Variants in MTMR7 observed in about 807,000 individuals in gnomAD.
The protein encoded by MTMR7 is myotubularin related protein 7.
Under a neutral mutation model 81.2 loss-of-function variants are expected in MTMR7, and 76 were observed. The observed-to-expected ratio is 0.94, with a 90% confidence interval of 0.78 to 1.13. The LOEUF (loss-of-function observed/expected upper bound fraction) is 1.13, where lower values mean the gene tolerates loss of function less well. MTMR7 is among the 50% of genes most tolerant of loss of function. MTMR7 has a pLI of 0.00. For synonymous variants in MTMR7, 372 were observed against 289.8 expected (o/e 1.28, Z -2.88); for missense variants, 1,044 against 820.0 (o/e 1.27, Z -3.34).
chr8:17,330,272 C>T (rs1055005641), intron 7 of MTMR7, among the ~76,000 whole-genome samples: 1 of 152,206 alleles, frequency 6.6e-6, no homozygotes, highest in African/African-American at 2.4e-5. Flanking sequence ...CATTCCAGAG[C>T]CTGCATTTCC....
chr8:17,327,204 C>A (rs1818727027), intron 7 of MTMR7, among the ~76,000 whole-genome samples: 1 of 152,214 alleles, frequency 6.6e-6, no homozygotes, highest in Non-Finnish European at 1.5e-5. Flanking sequence ...TACTGTTAGA[C>A]ATTCATTCGG....
chr8:17,312,546 G>C (rs553597405), intron 8 of MTMR7, among the ~76,000 whole-genome samples: 1 of 128,856 alleles, frequency 7.8e-6, no homozygotes, highest in East Asian at 2.4e-4. Flanking sequence ...CTGCACTCCA[G>C]CCTGGGTGAC....
At chr8:17,335,683 G>T (rs893937824) in intron 6 of MTMR7, among the ~76,000 whole-genome samples, 3 of 152,164 alleles carry the variant, frequency 2.0e-5, no homozygotes, top group African/African-American at 7.2e-5. Flanking sequence ...CTTCACTTGT[G>T]GTGCAGACAC....
At chr8:17,342,775 C>G (rs1819441245) in intron 5 of MTMR7, among the ~76,000 whole-genome samples, 1 of 151,940 alleles carries the variant, frequency 6.6e-6, no homozygotes, top group South Asian at 2.1e-4. Context: ...TCCAGGGGGA[C>G]AAGGTGTGGG....
chr8:17,336,835 C>T (rs556412250), intron 6 of MTMR7, among the ~76,000 whole-genome samples: 37 of 152,282 alleles, frequency 2.4e-4, no homozygotes, highest in African/African-American at 8.7e-4. Context: ...GGTAACCCCA[C>T]AGAGCTTCCA....
rs764665684 is a variant in MTMR7 at position 17,299,847 on chromosome 8, C to A, written c.*15G>T. The A allele has an allele frequency of 6.2e-6, 10 of 1,612,874 alleles. No individual in the cohort carries two copies. The South Asian group carries it at 9.9e-5, about 16-fold the overall frequency. ...TGCTTATGTGTCCTTTACTTTGGAACTCCAAAGGGAAACTTCAGGCAGTGA... is the reference window on the plus strand; with the variant it reads ...TGCTTATGTGTCCTTTACTTTGGAAATCCAAAGGGAAACTTCAGGCAGTGA... On this transcript the variant is annotated 3_prime_UTR_variant, in exon 14 of 14. Transcript: ENST00000180173.
At chr8:17,343,581 A>G (rs189868383) in intron 5 of MTMR7, among the ~76,000 whole-genome samples, 34 of 152,364 alleles carry the variant, frequency 2.2e-4, no homozygotes, top group African/African-American at 7.7e-4. Context: ...ACCAACTACA[A>G]AATGAAGCAA....
intron 4 of MTMR7, chr8:17,349,343 T>C: frequency 3.2e-6 from 1 of 310,620 alleles, no homozygotes; most frequent in Non-Finnish European, 6.1e-6. Flanking sequence ...GGGCTCTTTG[T>C]GCAAGACCAG....
chr8:17,412,374 T>G (rs1201788043), intron 1 of MTMR7, among the ~76,000 whole-genome samples: 1 of 152,210 alleles, frequency 6.6e-6, no homozygotes, highest in Non-Finnish European at 1.5e-5. Context: ...AAGTTCATCC[T>G]GCAAAAACGC....
intron 1 of MTMR7, among the ~76,000 whole-genome samples, chr8:17,377,593 G>A (rs1820628868): frequency 6.6e-6 from 1 of 151,572 alleles, no homozygotes; most frequent in African/African-American, 2.4e-5. Context: ...TTGTCTGTCT[G>A]TTTCTAAATT....
chr8:17,363,466 T>C, intron 3 of MTMR7, among the ~76,000 whole-genome samples: 1 of 152,248 alleles, frequency 6.6e-6, no homozygotes, highest in East Asian at 1.9e-4. Context: ...TGTGGGCTGA[T>C]ACCTGTTTCC....
At position 17,304,427 on chromosome 8, in the gene MTMR7, G is replaced by C. The variant is rs375705557; in HGVS notation, c.1445C>G (p.Thr482Ser). The C allele has an allele frequency of 6.8e-6, 11 of 1,613,958 alleles. No individual in the cohort carries two copies. Among genetic ancestry groups the C allele is most frequent in the Non-Finnish European group, 8.5e-6 (10 of 1,179,958 alleles). ...NPLFRADHSQ[T>S]QGTLHLPTTP... Reference sequence around the variant, plus strand: ...TGTAGGGAGATGAAGGGTTCCCTGAGTCTGGCTGTGATCAGCTCTAAACAG... The same window carrying C: ...TGTAGGGAGATGAAGGGTTCCCTGACTCTGGCTGTGATCAGCTCTAAACAG... Residue 482 changes from threonine to serine, a missense_variant, in exon 12 of 14, where the codon ACT becomes AGT. Coordinates refer to ENST00000180173, the MANE Select transcript of MTMR7 (RefSeq NM_004686.5).
At chr8:17,411,594 C>T (rs1418659827) in intron 1 of MTMR7, among the ~76,000 whole-genome samples, 1 of 152,204 alleles carries the variant, frequency 6.6e-6, no homozygotes, top group Non-Finnish European at 1.5e-5. Context: ...ATGTTAATGA[C>T]TCACCCAATT....
chr8:17,406,392 C>T (rs980618753), intron 1 of MTMR7, among the ~76,000 whole-genome samples: 1 of 152,134 alleles, frequency 6.6e-6, no homozygotes, highest in Non-Finnish European at 1.5e-5. Flanking sequence ...CGAAAACATG[C>T]TCAATATCAT....
intron 12 of MTMR7, 37 bp downstream of exon 12, chr8:17,304,342 C>G (rs766101278): frequency 6.3e-7 from 1 of 1,596,650 alleles, no homozygotes; most frequent in East Asian, 2.3e-5. Context: ...AATCCAAGTT[C>G]ATACCATGGC....
At chr8:17,355,518 T>C (rs1819864142) in intron 4 of MTMR7, among the ~76,000 whole-genome samples, 1 of 151,908 alleles carries the variant, frequency 6.6e-6, no homozygotes. Flanking sequence ...AATTGTGGGA[T>C]TTATACAGCG....
At chr8:17,367,031 A>G (rs1460287461) in intron 3 of MTMR7, among the ~76,000 whole-genome samples, 2 of 152,166 alleles carry the variant, frequency 1.3e-5, no homozygotes, top group African/African-American at 4.8e-5. Flanking sequence ...TTGAAATTAA[A>G]TATTAGGACT....
At chr8:17,390,831 A>G (rs1338124454) in intron 1 of MTMR7, among the ~76,000 whole-genome samples, 6 of 152,142 alleles carry the variant, frequency 3.9e-5, no homozygotes, top group Admixed American at 2.0e-4. Flanking sequence ...CGCTTACCAG[A>G]GTAGTAAGGG....
chr8:17,400,564 T>G (rs1476391725), intron 1 of MTMR7, among the ~76,000 whole-genome samples: 1 of 152,212 alleles, frequency 6.6e-6, no homozygotes, highest in African/African-American at 2.4e-5. Flanking sequence ...ACCTCTACAT[T>G]ATCAAGCGTT....
Sources: gnomAD v4.1 joint callset for allele counts (sites outside exome capture counted in the v4.1 genomes callset) on GRCh38, gnomAD v4.1.1 for gene constraint, MANE v1.5 for transcripts, NCBI Gene and HGNC (gene_info 2026-07-23, HGNC 2026-07-21) for gene names.